The following MTUS2 variants were observed in gnomAD, a reference collection of about 807,000 sequenced individuals.
MTUS2 encodes microtubule associated scaffold protein 2, also known as microtubule-associated tumor suppressor candidate 2.
A neutral mutation model predicts 114.1 loss-of-function variants in MTUS2; 40 were observed. The ratio of observed to expected loss-of-function variants is 0.35; its 90% CI spans 0.27 to 0.46. The LOEUF is 0.46. Among genes scored for constraint, MTUS2 ranks in the 20% least tolerant of loss-of-function variants. MTUS2 has a pLI of 1.00. For synonymous variants in MTUS2, 688 were observed against 672.0 expected (o/e 1.02, Z -0.37); for missense variants, 1,679 against 1,705.4 (o/e 0.98, Z 0.27).
At chr13:29,353,920 C>G (rs1593339802) in intron 7 of MTUS2, among the ~76,000 whole-genome samples, 1 of 152,298 alleles carries the variant, frequency 6.6e-6, no homozygotes, top group Middle Eastern at 3.4e-3. Context: ...ATGCACTGAT[C>G]AGAATCTGGC....
At chr13:29,070,371 T>A (rs1218550996) in intron 4 of MTUS2, among the ~76,000 whole-genome samples, 1 of 152,198 alleles carries the variant, frequency 6.6e-6, no homozygotes, top group African/African-American at 2.4e-5. Context: ...TGCAGAATGT[T>A]AATATTTTTG....
In MTUS2 at chr13:29,352,610, G is replaced by C. The variant is rs559419524; in HGVS notation, c.2906-6652G>C. Among the ~76,000 whole-genome samples the C allele has an allele frequency of 1.7e-4, 26 of 152,284 alleles. 1 individual carries two copies. The South Asian group carries it at 5.4e-3, about 32-fold the overall frequency. ...AAGTTTCATGTGAATGGAATCATAT[G>C]CTTTGAGGCTGTTTGTGTCTGTTTC... On this transcript the variant is annotated intron_variant, in intron 7 of 15. Coordinates refer to ENST00000612955, the MANE Select transcript of MTUS2 (RefSeq NM_001033602.4).
chr13:28,869,950 A>G (rs1001242877), intron 2 of MTUS2, among the ~76,000 whole-genome samples: 1 of 152,170 alleles, frequency 6.6e-6, no homozygotes, highest in African/African-American at 2.4e-5. Context: ...TTTGAATGTT[A>G]TGTATAAAAT....
rs546093572 is a variant in MTUS2 at position 28,995,809 on chromosome 13, C to T, written c.-242-28648C>T. ...AGGAGATTTTGGGCTGAGAAAATGG[C>T]GTTTTCTAGGTATACAATCATGTCA... On this transcript the variant is annotated intron_variant, in intron 2 of 15. Transcript: ENST00000612955. Among the ~76,000 whole-genome samples the T allele has an allele frequency of 1.1e-4, 17 of 152,192 alleles. No homozygotes were observed. In the East Asian group the frequency reaches 2.9e-3, roughly 26 times the overall value.
intron 4 of MTUS2, among the ~76,000 whole-genome samples, chr13:29,086,795 T>C (rs941614812): frequency 1.3e-5 from 2 of 152,202 alleles, no homozygotes; most frequent in African/African-American, 4.8e-5. Flanking sequence ...CTATTATTTC[T>C]TTCAGCAATG....
chr13:28,885,797 T>G (rs1052524898), intron 2 of MTUS2, among the ~76,000 whole-genome samples: 1 of 152,050 alleles, frequency 6.6e-6, no homozygotes. Flanking sequence ...TTTTAGGGAC[T>G]GAGGATATAG....
chr13:29,401,217 C>T (rs982171983), intron 8 of MTUS2, among the ~76,000 whole-genome samples: 1 of 152,180 alleles, frequency 6.6e-6, no homozygotes, highest in African/African-American at 2.4e-5. Context: ...AACTCCTGGC[C>T]TCAGGTGTTC....
At chr13:28,904,735 G>A (rs1450050491) in intron 2 of MTUS2, among the ~76,000 whole-genome samples, 13 of 152,200 alleles carry the variant, frequency 8.5e-5, no homozygotes, top group South Asian at 8.3e-4. Flanking sequence ...TTGGCAATGC[G>A]GGCTGTTTTT....
chr13:28,985,789 C>T (rs1432252162), intron 2 of MTUS2, among the ~76,000 whole-genome samples: 3 of 152,106 alleles, frequency 2.0e-5, no homozygotes, highest in Non-Finnish European at 4.4e-5. Context: ...GATTGATCCT[C>T]CATGATGTGG....
chr13:29,499,722 T>C (rs1882764640), intron 14 of MTUS2, among the ~76,000 whole-genome samples: 1 of 152,252 alleles, frequency 6.6e-6, no homozygotes, highest in Non-Finnish European at 1.5e-5. Flanking sequence ...TCCCCATTTG[T>C]GAAATGTCCC....
At chr13:29,199,481 A>G (rs1362608004) in intron 5 of MTUS2, among the ~76,000 whole-genome samples, 2 of 152,040 alleles carry the variant, frequency 1.3e-5, no homozygotes, top group East Asian at 3.9e-4. Flanking sequence ...TGTTTATGTG[A>G]TGGATTAGGT....
intron 8 of MTUS2, among the ~76,000 whole-genome samples, chr13:29,371,337 C>T (rs1227105588): frequency 6.6e-6 from 1 of 151,356 alleles, no homozygotes; most frequent in Non-Finnish European, 1.5e-5. Context: ...TCTGCCTGAG[C>T]CTCCTGAGTA....
intron 2 of MTUS2, among the ~76,000 whole-genome samples, chr13:28,946,082 T>C (rs1882509942): frequency 6.6e-6 from 1 of 152,246 alleles, no homozygotes; most frequent in South Asian, 2.1e-4. Context: ...TTCACAGTTA[T>C]ATAGTTTAAT....
chr13:29,208,853 G>A (rs1339942943), intron 5 of MTUS2, among the ~76,000 whole-genome samples: 2 of 152,080 alleles, frequency 1.3e-5, no homozygotes, highest in African/African-American at 2.4e-5. Flanking sequence ...GGCCTGTCAT[G>A]TACTCTATCT....
At chr13:29,398,835 A>C (rs1012824990) in intron 8 of MTUS2, among the ~76,000 whole-genome samples, 1 of 152,160 alleles carries the variant, frequency 6.6e-6, no homozygotes. Flanking sequence ...CATGCAGAAG[A>C]CTTCTGAAAT....
At chr13:29,163,826 G>C (rs200410730) in intron 5 of MTUS2, among the ~76,000 whole-genome samples, 3 of 152,144 alleles carry the variant, frequency 2.0e-5, no homozygotes, top group Non-Finnish European at 4.4e-5. Context: ...CACAGTGCAT[G>C]CAGTCATACG....
intron 5 of MTUS2, among the ~76,000 whole-genome samples, chr13:29,274,657 T>A (rs2139514789): frequency 6.6e-6 from 1 of 152,326 alleles, no homozygotes; most frequent in African/African-American, 2.4e-5. Context: ...TTGTATATCT[T>A]GTTTGGAGAA....
chr13:29,006,759 T>A (rs1885620254), intron 2 of MTUS2, among the ~76,000 whole-genome samples: 2 of 152,240 alleles, frequency 1.3e-5, no homozygotes, highest in South Asian at 4.1e-4. Flanking sequence ...TAGAACATGC[T>A]GGATAATTCA....
intron 2 of MTUS2, among the ~76,000 whole-genome samples, chr13:28,947,101 G>A (rs1046657949): frequency 1.3e-5 from 2 of 152,154 alleles, no homozygotes; most frequent in African/African-American, 4.8e-5. Context: ...TATTGTGGTT[G>A]AGTTCACTCT....
Sources: allele counts gnomAD v4.1 joint callset (sites outside exome capture counted in the v4.1 genomes callset), GRCh38; gene constraint gnomAD v4.1.1; transcripts MANE v1.5; gene names NCBI Gene and HGNC (gene_info 2026-07-23, HGNC 2026-07-21).